The following SLC25A25 variants were observed in gnomAD, a reference collection of about 807,000 sequenced individuals.
SLC25A25 encodes solute carrier family 25 member 25, also known as mitochondrial adenyl nucleotide antiporter SLC25A25.
A neutral mutation model predicts 57.7 loss-of-function variants in SLC25A25; 32 were observed. That is an observed-to-expected ratio of 0.55 (90% CI 0.42 to 0.74). SLC25A25 has a LOEUF of 0.74. Among genes scored for constraint, SLC25A25 ranks in the 30% least tolerant of loss-of-function variants. The pLI is 0.00. For missense variants in SLC25A25, 556 were observed against 701.3 expected, an observed-to-expected ratio of 0.79 and a Z score of 2.34; for synonymous variants, 306 against 291.2, an observed-to-expected ratio of 1.05 and a Z score of -0.52.
intron 1 of SLC25A25, among the ~76,000 whole-genome samples, chr9:128,085,476 A>G (rs1160367280): frequency 6.6e-6 from 1 of 150,730 alleles, no homozygotes; most frequent in African/African-American, 2.4e-5. Flanking sequence ...CATATATGCA[A>G]TATATATATT....
chr9:128,076,691 A>T (rs1833022942), intron 1 of SLC25A25, among the ~76,000 whole-genome samples: 1 of 150,284 alleles, frequency 6.7e-6, no homozygotes, highest in Non-Finnish European at 1.5e-5. Flanking sequence ...GATGGTCTCG[A>T]TCTCCTGACC....
In SLC25A25 at chr9:128,109,055, G is replaced by C. The variant is rs1192281541; in HGVS notation, c.*1611G>C. 2 of 152,338 alleles carry C rather than the reference G, an allele frequency of 1.3e-5. No individual in the cohort carries two copies. The highest frequency in any genetic ancestry group is 2.4e-5 in the African/African-American group (1 of 41,372). 9.4% of individuals were successfully genotyped at this position (152,338 alleles called of 1,614,324 possible). On this transcript the variant is annotated 3_prime_UTR_variant, in exon 11 of 11. Transcript: ENST00000373069. ...TGCTTAACAATGCCGGCCAACTGGC[G>C]ACCTCACGGTTGCACTTCCATTCCA... is the stretch of plus-strand genomic sequence containing the variant.
chr9:128,096,889 A>G (rs747628017), intron 1 of SLC25A25, among the ~76,000 whole-genome samples: 6 of 152,200 alleles, frequency 3.9e-5, no homozygotes, highest in Non-Finnish European at 8.8e-5. Context: ...TGCCTGGATA[A>G]TCCAGTGCGA....
chr9:128,105,186 T>C (rs7849978), intron 6 of SLC25A25, among the ~76,000 whole-genome samples: 2,414 of 80,940 alleles, frequency 0.03, 117 homozygotes, highest in African/African-American at 0.11. Flanking sequence ...TTTTTTTTTT[T>C]CTAAAATAGA....
In SLC25A25 at chr9:128,102,567, C is replaced by T. The variant is rs1833848964; in HGVS notation, c.624+86C>T. 1 of 1,078,540 alleles carries T rather than the reference C, an allele frequency of 9.3e-7. No homozygotes were observed. Among genetic ancestry groups the T allele is most frequent in the African/African-American group, 1.6e-5 (1 of 63,478 alleles). The allele number at this position is 1,078,540 out of a possible 1,614,324, so 66.8% of individuals were successfully genotyped here. ...CAGTCGTCCCCATCCCAGAGTGCAG[C>T]TGGGGCTTTCCAGCCACCTCCTCTT... On this transcript the variant is annotated intron_variant, in intron 5 of 10. Transcript: ENST00000373069. This position sits in a 1 kb window ranked among gnomAD's most constrained non-coding sequence, Gnocchi z 4.1.
intron 1 of SLC25A25, among the ~76,000 whole-genome samples, chr9:128,087,775 G>C (rs1833310829): frequency 6.6e-6 from 1 of 152,114 alleles, no homozygotes; most frequent in South Asian, 2.1e-4. Flanking sequence ...CTATTGCTGT[G>C]TCTTCAAGTT....
At chr9:128,078,805 A>C (rs1198205589) in intron 1 of SLC25A25, among the ~76,000 whole-genome samples, 1 of 152,208 alleles carries the variant, frequency 6.6e-6, no homozygotes, top group African/African-American at 2.4e-5. Flanking sequence ...CCAGTTCCAG[A>C]ACCCAGGATT....
rs756864174 is a variant in SLC25A25, at chr9:128,108,256, G to A, written c.*812G>A. 2.8e-5 allele frequency: 11 copies of A among 399,164 alleles called. No individual in the cohort carries two copies. The highest frequency in any genetic ancestry group is 4.9e-5 in the Non-Finnish European group (11 of 226,192). 24.7% of individuals were successfully genotyped at this position (399,164 alleles called of 1,614,324 possible). A position where few individuals can be genotyped will look rare whatever the true frequency, so the allele number is the denominator to read the frequency against. On this transcript the variant is annotated 3_prime_UTR_variant, in exon 11 of 11. Coordinates refer to ENST00000373069, the MANE Select transcript of SLC25A25 (RefSeq NM_001330988.2). ...GGAGCACCATGTTTGAGGGCGAAGG[G>A]CAGAGCGTTTGTGTGTTCTGGGGAG...
intron 1 of SLC25A25, among the ~76,000 whole-genome samples, chr9:128,071,567 ATTTTT>A (rs369801313): frequency 7.3e-6 from 1 of 137,650 alleles, no homozygotes; most frequent in East Asian, 2.1e-4. Flanking sequence ...CGCCCTGCTA[ATTTTT>A]TTTTTTTTTT....
intron 1 of SLC25A25, chr9:128,098,877 C>T (rs1372274191): frequency 6.8e-6 from 10 of 1,476,098 alleles, no homozygotes; most frequent in Non-Finnish European, 8.9e-6. Context: ...ATGGCCGGCA[C>T]GTGTACGTCA....
At chr9:128,077,344 T>A (rs1221935876) in intron 1 of SLC25A25, among the ~76,000 whole-genome samples, 1 of 151,222 alleles carries the variant, frequency 6.6e-6, no homozygotes, top group East Asian at 2.0e-4. Context: ...TGAAACCCCG[T>A]CTCTACTAAA....
intron 1 of SLC25A25, among the ~76,000 whole-genome samples, chr9:128,076,690 G>A (rs550424913): frequency 2.0e-5 from 3 of 151,458 alleles, no homozygotes; most frequent in Admixed American, 6.6e-5. Flanking sequence ...GGATGGTCTC[G>A]ATCTCCTGAC....
rs1183464918 is a variant in SLC25A25, at chr9:128,103,261, G to A, written c.625-420G>A. Among the ~76,000 whole-genome samples the A allele has an allele frequency of 2.0e-5, 3 of 152,220 alleles. No individual in the cohort carries two copies. The highest frequency in any genetic ancestry group is 1.9e-4 in the East Asian group (1 of 5,198). The stretch of plus-strand genomic sequence containing the variant: ...AGCGAGCCCTCGTGTTTGCTGAGGC[G>A]TTGCATAATGTTCTGCCAGCGTGAT... On this transcript the variant is annotated intron_variant, in intron 5 of 10. Transcript: ENST00000373069. This position sits in a 1 kb window ranked among gnomAD's most constrained non-coding sequence, Gnocchi z 6.7.
intron 6 of SLC25A25, among the ~76,000 whole-genome samples, chr9:128,104,351 C>T (rs1295913930): frequency 6.6e-6 from 1 of 152,232 alleles, no homozygotes; most frequent in Non-Finnish European, 1.5e-5. Flanking sequence ...GTCCCCTTGC[C>T]CGTACCTAGT....
At chr9:128,089,836 C>T (rs1221881380) in intron 1 of SLC25A25, among the ~76,000 whole-genome samples, 3 of 151,960 alleles carry the variant, frequency 2.0e-5, no homozygotes, top group African/African-American at 4.8e-5. Flanking sequence ...GGTTTCTCCA[C>T]ATTGTCCAGG....
At chr9:128,074,086 C>T (rs186438547) in intron 1 of SLC25A25, among the ~76,000 whole-genome samples, 13 of 151,928 alleles carry the variant, frequency 8.6e-5, no homozygotes, top group Non-Finnish European at 1.9e-4. Context: ...GTCACCCAGG[C>T]TGGAGTGCGG....
intron 1 of SLC25A25, among the ~76,000 whole-genome samples, chr9:128,076,912 G>C (rs1282859155): frequency 1.3e-5 from 2 of 152,272 alleles, no homozygotes; most frequent in Admixed American, 6.5e-5. Context: ...AGCATCCTTC[G>C]CAGATGGTCA....
At position 128,103,857 on chromosome 9, in the gene SLC25A25, C is replaced by G. The variant is rs533172805; in HGVS notation, c.783+18C>G. On this transcript the variant is annotated intron_variant, in intron 6 of 10. Coordinates refer to ENST00000373069, the MANE Select transcript of SLC25A25 (RefSeq NM_001330988.2). The surrounding 1 kb of genome is among the most constrained non-coding windows in gnomAD (Gnocchi z 6.7). ...TCATGCAGGTATGTAGGGAAAAGGC[C>G]CCAGACCCCTGGGGGGCCAGTTTCC... is the stretch of plus-strand genomic sequence containing the variant. 1.4e-4 allele frequency: 210 copies of G among 1,530,418 alleles called. 1 individual carries two copies. The South Asian group carries it at 2.4e-3, about 18-fold the overall frequency. The allele number at this position is 1,530,418 out of a possible 1,614,324, so 94.8% of individuals were successfully genotyped here.
chr9:128,076,438 T>TTTTTTA (rs373449898), intron 1 of SLC25A25, among the ~76,000 whole-genome samples: 2,398 of 136,038 alleles, frequency 0.018, 73 homozygotes, highest in African/African-American at 0.065. Flanking sequence ...GCCTAACTTT[T>TTTTTTA]TTTTTATTTT....
Sources: gnomAD v4.1 joint callset for allele counts (sites outside exome capture counted in the v4.1 genomes callset) on GRCh38, gnomAD v4.1.1 for gene constraint, Gnocchi (gnomAD v3.1) non-coding constraint, MANE v1.5 for transcripts, NCBI Gene and HGNC (gene_info 2026-07-23, HGNC 2026-07-21) for gene names.